The following FAR1 variants were observed in gnomAD, a reference collection of about 807,000 sequenced individuals.
FAR1 encodes the protein fatty acyl-CoA reductase 1.
Under a neutral mutation model 61.1 loss-of-function variants are expected in FAR1, and 22 were observed. The observed-to-expected ratio is 0.36, with a 90% CI of 0.26 to 0.51. The LOEUF (loss-of-function observed/expected upper bound fraction) is 0.51. FAR1 is among the 20% of genes least tolerant of loss of function. The pLI, the probability that FAR1 is intolerant of heterozygous loss-of-function variation, is 0.95. For synonymous variants in FAR1, 206 were observed against 209.7 expected, an observed-to-expected ratio of 0.98 and a Z score of 0.15; for missense variants, 359 against 626.9, an observed-to-expected ratio of 0.57 and a Z score of 4.56.
At chr11:13,705,477 C>CT (rs1403394976) in intron 3 of FAR1, among the ~76,000 whole-genome samples, 3 of 152,178 alleles carry the variant, frequency 2.0e-5, no homozygotes, top group Admixed American at 6.5e-5. Flanking sequence ...CCTAGAAACT[C>CT]TGTCACCATC....
intron 9 of FAR1, chr11:13,720,640 T>C (rs1333088411): frequency 6.6e-6 from 1 of 151,596 alleles, no homozygotes; most frequent in African/African-American, 2.4e-5. Context: ...TAGCTAATGA[T>C]ACTTTTTTGA....
intron 3 of FAR1, among the ~76,000 whole-genome samples, chr11:13,701,515 T>C (rs2134184858): frequency 6.6e-6 from 1 of 152,186 alleles, no homozygotes; most frequent in Non-Finnish European, 1.5e-5. Context: ...AATGAGACCC[T>C]GTCTCTATAA....
chr11:13,704,429 G>A (rs150683429), intron 3 of FAR1, among the ~76,000 whole-genome samples: 4 of 152,208 alleles, frequency 2.6e-5, no homozygotes, highest in African/African-American at 9.6e-5. Context: ...GAGTTTGTTG[G>A]GCATTGATTA....
chr11:13,707,369 T>C (rs926909069), intron 3 of FAR1, among the ~76,000 whole-genome samples: 1 of 152,186 alleles, frequency 6.6e-6, no homozygotes, highest in African/African-American at 2.4e-5. Flanking sequence ...GAAAAGTGTT[T>C]GGATTGATTG....
chr11:13,712,874 A>G, intron 7 of FAR1, 92 bp from the exon 8 acceptor site: 1 of 903,482 alleles, frequency 1.1e-6, no homozygotes, highest in Non-Finnish European at 1.7e-6. Context: ...GGTGCCCATC[A>G]TCCTCATGTC....
At chr11:13,697,539 G>A (rs1848321887) in intron 2 of FAR1, among the ~76,000 whole-genome samples, 1 of 152,118 alleles carries the variant, frequency 6.6e-6, no homozygotes, top group Non-Finnish European at 1.5e-5. Context: ...AAAGGCATTA[G>A]TAAACGTAGT....
chr11:13,713,569 G>A (rs2134193513), intron 8 of FAR1, among the ~76,000 whole-genome samples: 1 of 152,186 alleles, frequency 6.6e-6, no homozygotes, highest in Admixed American at 6.5e-5. Flanking sequence ...AACTTAAATA[G>A]GAATAGTTAA....
intron 9 of FAR1, among the ~76,000 whole-genome samples, chr11:13,718,827 G>T (rs115818669): frequency 6.6e-6 from 1 of 152,078 alleles, no homozygotes; most frequent in Non-Finnish European, 1.5e-5. Flanking sequence ...AGTGGTAAAG[G>T]GGGGAAGGGG....
In FAR1 at chr11:13,698,756, G is replaced by A. The variant is rs538278870; in HGVS notation, c.190-1561G>A. On this transcript the variant is annotated intron_variant, in intron 2 of 11. Transcript: ENST00000354817. ...TGAGGCAGGAGAATGGTGTGAACCC[G>A]TGAGGTGGAGCTTGCAGTGAGCCGA... Among the ~76,000 whole-genome samples the A allele has an allele frequency of 1.4e-4, 22 of 151,848 alleles. No homozygotes were observed. The East Asian group carries it at 2.7e-3, about 19-fold the overall frequency.
At chr11:13,692,316 G>C (rs146424051) in intron 1 of FAR1, among the ~76,000 whole-genome samples, 2 of 152,164 alleles carry the variant, frequency 1.3e-5, no homozygotes, top group Non-Finnish European at 2.9e-5. Flanking sequence ...CTGGTCCAAA[G>C]CATTTCGGAT....
At chr11:13,675,677 T>G (rs1195795026) in intron 1 of FAR1, among the ~76,000 whole-genome samples, 1 of 152,182 alleles carries the variant, frequency 6.6e-6, no homozygotes, top group Non-Finnish European at 1.5e-5. Flanking sequence ...GGATCCATTC[T>G]TGTTAGAATG....
intron 1 of FAR1, among the ~76,000 whole-genome samples, chr11:13,670,982 T>G (rs1041792284): frequency 5.3e-5 from 8 of 152,342 alleles, no homozygotes; most frequent in South Asian, 4.1e-4. Flanking sequence ...GCATTTGCTG[T>G]GTAACATGTT....
In FAR1 at chr11:13,722,010, T is replaced by C. The variant is rs373135202; in HGVS notation, c.1257+151T>C. The C allele has an allele frequency of 5.0e-4, 303 of 611,718 alleles. No individual in the cohort carries two copies. In the African/African-American group the frequency reaches 5.1e-3, roughly 10 times the overall value. The allele number at this position is 611,718 out of a possible 1,614,324, so 37.9% of individuals were successfully genotyped here. ...ATAAAGCTTTAGTCATAATTGTTAG[T>C]GGTGAAATAAAATTGCTGTATCTTA... On this transcript the variant is annotated intron_variant, in intron 10 of 11. Coordinates refer to ENST00000354817, the MANE Select transcript of FAR1 (RefSeq NM_032228.6).
rs965657062 is a variant in FAR1 at position 13,701,567 on chromosome 11, G to T, written c.365+1075G>T. Among the ~76,000 whole-genome samples the T allele has an allele frequency of 4.6e-5, 7 of 151,988 alleles. 1 individual carries two copies. The highest frequency in any genetic ancestry group is 1.7e-4 in the African/African-American group (7 of 41,406). ...AAGAATTAAAAAAATTAAAAATTAA[G>T]TTCTGATTACAAAAGGTTTGATATT... is the stretch of plus-strand genomic sequence containing the variant. On this transcript the variant is annotated intron_variant, in intron 3 of 11. Coordinates refer to ENST00000354817, the MANE Select transcript of FAR1 (RefSeq NM_032228.6).
At chr11:13,707,795 CAA>C (rs1196504115) in intron 3 of FAR1, 103 bp from the exon 4 acceptor site, 22 of 785,908 alleles carry the variant, frequency 2.8e-5, no homozygotes, top group East Asian at 6.6e-5. Flanking sequence ...TGTAAAGAAA[CAA>C]AAATTTCTCT....
intron 10 of FAR1, among the ~76,000 whole-genome samples, chr11:13,727,278 G>T (rs181195521): frequency 2.6e-5 from 4 of 151,902 alleles, no homozygotes; most frequent in Admixed American, 2.6e-4. Flanking sequence ...TAGCAAAATG[G>T]TACAGGCTTT....
Position 13,727,553 on chromosome 11 carries a change from T to C in FAR1, c.1258-3T>C, listed in dbSNP as rs1848679892. 1.3e-6 allele frequency: 2 copies of C among 1,591,928 alleles called. No individual in the cohort carries two copies. The highest frequency in any genetic ancestry group is 1.8e-5 in the Admixed American group (1 of 55,586). ...ATAATCAGTAATTTTTTTGTTAACG[T>C]AGACCTTCAATATTGATGTACGGCA... is the stretch of plus-strand genomic sequence containing the variant. On this transcript the variant is annotated splice_polypyrimidine_tract_variant and splice_region_variant and intron_variant, in intron 10 of 11. Transcript: ENST00000354817.
intron 9 of FAR1, among the ~76,000 whole-genome samples, chr11:13,717,731 C>T (rs1475976616): frequency 6.6e-6 from 1 of 152,198 alleles, no homozygotes; most frequent in East Asian, 1.9e-4. Flanking sequence ...TGAAGCTACT[C>T]ATCTTTGCTG....
intron 1 of FAR1, among the ~76,000 whole-genome samples, chr11:13,672,393 A>AT (rs201111568): frequency 0.16 from 24,092 of 151,640 alleles, 2,067 homozygotes; most frequent in South Asian, 0.24. Context: ...CTATCCAAAA[A>AT]AAAAAAAAAA....
Sources: gnomAD v4.1 joint callset for allele counts (sites outside exome capture counted in the v4.1 genomes callset) on GRCh38, gnomAD v4.1.1 for gene constraint, MANE v1.5 for transcripts, NCBI Gene and HGNC (gene_info 2026-07-23, HGNC 2026-07-21) for gene names.